Variants in KAZN observed in about 807,000 individuals in gnomAD.
The protein encoded by KAZN is kazrin.
KAZN carries 40 observed loss-of-function variants against 87.4 expected under a neutral mutation model. The ratio of observed to expected loss-of-function variants is 0.46; its 90% CI spans 0.36 to 0.60. The LOEUF (loss-of-function observed/expected upper bound fraction) is 0.60. KAZN is among the 20% of genes least tolerant of loss of function. The pLI, the probability that KAZN is intolerant of heterozygous loss-of-function variation, is 0.00. For synonymous variants in KAZN, 466 were observed against 458.3 expected (o/e 1.02, Z -0.22); for missense variants, 898 against 1,073.9 (o/e 0.84, Z 2.29).
chr1:14,092,825 G>A (rs1181154210), intron 1 of KAZN, among the ~76,000 whole-genome samples: 1 of 152,080 alleles, frequency 6.6e-6, no homozygotes, highest in Non-Finnish European at 1.5e-5. Flanking sequence ...TAAGTGTTGT[G>A]TAATGTACTT....
chr1:14,082,631 C>T (rs1465914220), intron 1 of KAZN, among the ~76,000 whole-genome samples: 1 of 152,184 alleles, frequency 6.6e-6, no homozygotes, highest in Non-Finnish European at 1.5e-5. Flanking sequence ...GGGCCAAGTC[C>T]GAGCACCATG....
chr1:13,932,382 T>C (rs997877272), intron 1 of KAZN, among the ~76,000 whole-genome samples: 1 of 148,496 alleles, frequency 6.7e-6, no homozygotes, highest in African/African-American at 2.5e-5. Flanking sequence ...TGCCTCAGCC[T>C]CCCGAGTAGC....
chr1:14,796,269 C>T (rs1645824444), intron 1 of KAZN, among the ~76,000 whole-genome samples: 1 of 152,200 alleles, frequency 6.6e-6, no homozygotes, highest in Non-Finnish European at 1.5e-5. Flanking sequence ...CTCTCAGGCA[C>T]CCTCTCCCCA....
intron 1 of KAZN, among the ~76,000 whole-genome samples, chr1:14,798,918 G>A (rs545063105): frequency 2.0e-5 from 3 of 151,842 alleles, no homozygotes; most frequent in Admixed American, 6.6e-5. Context: ...GTGCCACCAC[G>A]CCCAGCCAAT....
intron 1 of KAZN, among the ~76,000 whole-genome samples, chr1:14,078,973 AC>A (rs1373338290): frequency 3.3e-5 from 5 of 152,202 alleles, no homozygotes; most frequent in African/African-American, 1.2e-4. Flanking sequence ...GGCGTGAGCC[AC>A]CGTGCCCGGC....
chr1:15,075,131 G>A (rs1159498786), intron 8 of KAZN, among the ~76,000 whole-genome samples: 1 of 152,128 alleles, frequency 6.6e-6, no homozygotes, highest in African/African-American at 2.4e-5. Flanking sequence ...GGGTGTCAGT[G>A]GTCTCTAGTC....
At chr1:14,702,326 C>CTGTGTGTGTG (rs3222186) in intron 1 of KAZN, among the ~76,000 whole-genome samples, 14,376 of 133,042 alleles carry the variant, frequency 0.11, 868 homozygotes, top group South Asian at 0.14. Flanking sequence ...TTTTGCAAAA[C>CTGTGTGTGTG]TGTGTGTGTG....
chr1:14,580,019 A>G (rs1362846755), intron 2 of KAZN, among the ~76,000 whole-genome samples: 1 of 152,136 alleles, frequency 6.6e-6, no homozygotes, highest in African/African-American at 2.4e-5. Context: ...AGTAAGGGAT[A>G]ATTAGTACCC....
At chr1:13,930,477 T>C (rs1640466833) in intron 1 of KAZN, among the ~76,000 whole-genome samples, 1 of 152,186 alleles carries the variant, frequency 6.6e-6, no homozygotes, top group South Asian at 2.1e-4. Context: ...CCTGATACAA[T>C]GGAATCTACT....
intron 1 of KAZN, among the ~76,000 whole-genome samples, chr1:14,947,058 A>C (rs1661894089): frequency 6.6e-6 from 1 of 152,074 alleles, no homozygotes; most frequent in Non-Finnish European, 1.5e-5. Flanking sequence ...GGAAACTGAG[A>C]CACTGGGTGT....
intron 1 of KAZN, among the ~76,000 whole-genome samples, chr1:14,136,823 T>A (rs752398612): frequency 3.9e-5 from 6 of 152,142 alleles, no homozygotes; most frequent in Non-Finnish European, 8.8e-5. Flanking sequence ...AGCCAAAGCC[T>A]TAGTAATGAC....
At chr1:14,074,570 T>C (rs1643375321) in intron 1 of KAZN, among the ~76,000 whole-genome samples, 1 of 151,900 alleles carries the variant, frequency 6.6e-6, no homozygotes, top group Non-Finnish European at 1.5e-5. Flanking sequence ...TGGACAGCTG[T>C]GGGAGGGTGC....
At chr1:15,025,802 G>A (rs903562239) in intron 2 of KAZN, among the ~76,000 whole-genome samples, 1 of 152,152 alleles carries the variant, frequency 6.6e-6, no homozygotes, top group Admixed American at 6.5e-5. Flanking sequence ...ACTTCACCTC[G>A]TGGTGAGAAG....
intron 1 of KAZN, 141 bp from the exon 2 acceptor site, chr1:14,960,543 G>A (rs1216452677): frequency 8.4e-6 from 7 of 831,148 alleles, no homozygotes; most frequent in Non-Finnish European, 1.3e-5. Flanking sequence ...GAATAAGGCA[G>A]TGGCCTCCCT....
chr1:14,531,966 ATCT>A (rs932927672), intron 2 of KAZN, among the ~76,000 whole-genome samples: 1 of 152,130 alleles, frequency 6.6e-6, no homozygotes, highest in Non-Finnish European at 1.5e-5. Context: ...CTGGACTCCC[ATCT>A]CTCATTTTGA....
Position 14,599,220 on chromosome 1 carries a change from C to A in KAZN, c.223C>A (p.Gln75Lys). The change falls in exon 1 of 15, where the codon CAA becomes AAA. Residue 75 changes from glutamine (Q) to lysine (K), a missense_variant. Physicochemically the swap from Gln to Lys is moderately conservative, Grantham distance 53 (BLOSUM62 1). Around this residue, in one of 3 missense-constraint regions of KAZN, gnomAD observed 250 missense variants for 263.0 expected, o/e 0.95. Transcript: ENST00000376030. The surrounding 1 kb of genome is among the most constrained non-coding windows in gnomAD (Gnocchi z 4.4). ...CATGGAGAACCCCCAGCTTGGAGCG[C>A]AAGGTAGGATCGCCCCGGCGCCCAG... Reference protein sequence around the residue: ...TNMENPQLGAQVLLREEVSRL... With the variant: ...TNMENPQLGAKVLLREEVSRL... The A allele has an allele frequency of 7.2e-7, 1 of 1,392,522 alleles. No homozygotes were observed. The allele number at this position is 1,392,522 out of a possible 1,614,324, so 86.3% of individuals were successfully genotyped here. A position where few individuals can be genotyped will look rare whatever the true frequency, so the allele number is the denominator to read the frequency against.
intron 1 of KAZN, among the ~76,000 whole-genome samples, chr1:14,719,709 C>T (rs772114500): frequency 3.3e-5 from 5 of 152,104 alleles, no homozygotes; most frequent in Non-Finnish European, 7.4e-5. Flanking sequence ...TGTGGTGGCA[C>T]ACACCTGTAA....
chr1:14,472,252 A>G (rs1211477383), intron 2 of KAZN, among the ~76,000 whole-genome samples: 1 of 152,226 alleles, frequency 6.6e-6, no homozygotes, highest in Non-Finnish European at 1.5e-5. Context: ...TTGGCCATAC[A>G]GAAACGTTCA....
At chr1:14,581,244 G>A (rs576249324) in intron 2 of KAZN, among the ~76,000 whole-genome samples, 25 of 152,116 alleles carry the variant, frequency 1.6e-4, no homozygotes, top group Middle Eastern at 3.4e-3. Context: ...TCCTCCCACC[G>A]CCTTCCGCAT....
Sources: gnomAD v4.1 joint callset for allele counts (sites outside exome capture counted in the v4.1 genomes callset) on GRCh38, gnomAD v4.1.1 for gene constraint, gnomAD v4.1.1 regional missense constraint, Gnocchi (gnomAD v3.1) non-coding constraint, MANE v1.5 for transcripts, NCBI Gene and HGNC (gene_info 2026-07-23, HGNC 2026-07-21) for gene names.